USP26: variants seen among roughly 807,000 people sequenced by gnomAD.
The protein encoded by USP26 is ubiquitin carboxyl-terminal hydrolase 26.
For missense variants in USP26, 649 were observed against 642.3 expected, an observed-to-expected ratio of 1.01 and a Z score of -0.11; for synonymous variants, 236 against 240.6, an observed-to-expected ratio of 0.98 and a Z score of 0.18.
At chrX:133,085,226 C>A (rs1156535913) in intron 4 of USP26, among the ~76,000 whole-genome samples, 1 of 112,242 alleles carries the variant, frequency 8.9e-6, no homozygotes, top group Admixed American at 9.4e-5. Flanking sequence ...TGAGCCACTG[C>A]GCCTGGCCCA....
At position 133,090,744 on chromosome X, in the gene USP26, T is replaced by C. The variant is rs1320044814; in HGVS notation, c.-282A>G. On this transcript the variant is annotated 5_prime_UTR_variant, in exon 3 of 6. In the 5' UTR this introduces an upstream ATG that the reference lacks. Transcript: ENST00000511190. ...AATCAACCCTTGTGGTTGGCTGCTA[T>C]ATAGAACAGAGACTATGACCTGGAC... 2 of 112,239 alleles carry C rather than the reference T, an allele frequency of 1.8e-5. No homozygotes were observed. The allele number at this position is 112,239 out of a possible 1,213,427, so 9.2% of individuals were successfully genotyped here. A position where few individuals can be genotyped will look rare whatever the true frequency, so the allele number is the denominator to read the frequency against.
intron 5 of USP26, among the ~76,000 whole-genome samples, chrX:133,039,688 C>T (rs1007869673): frequency 1.8e-5 from 2 of 111,670 alleles, no homozygotes; most frequent in Admixed American, 9.5e-5. Flanking sequence ...GTGGAGAGTT[C>T]TGTAGATATC....
intron 4 of USP26, among the ~76,000 whole-genome samples, chrX:133,088,598 GA>G (rs1385708770): frequency 1.8e-5 from 2 of 111,655 alleles, no homozygotes; most frequent in East Asian, 2.8e-4. Context: ...GACCTCTTAG[GA>G]ATCAAGAAGC....
rs147161875 is a variant in USP26, at chrX:133,059,490, T to A, written c.-77+24217A>T. Among the ~76,000 whole-genome samples the A allele has an allele frequency of 1.0e-3, 116 of 111,286 alleles. 1 individual carries two copies. The highest frequency in any genetic ancestry group is 3.6e-3 in the African/African-American group (109 of 30,670). ...ACGTATTTGCACTTTGGCTGGCACA[T>A]ATTAAGCACTCAACAAATGCTAATT... is the stretch of plus-strand genomic sequence containing the variant. On this transcript the variant is annotated intron_variant, in intron 5 of 5. Coordinates refer to ENST00000511190, the MANE Select transcript of USP26 (RefSeq NM_031907.3).
intron 5 of USP26, among the ~76,000 whole-genome samples, chrX:133,059,033 C>T (rs774600937): frequency 7.5e-4 from 83 of 110,418 alleles, no homozygotes; most frequent in Non-Finnish European, 1.3e-3. Context: ...AGGCTGGTCT[C>T]GAACTCCTGA....
chrX:133,055,277 T>C (rs1346714715), intron 5 of USP26, among the ~76,000 whole-genome samples: 1 of 111,433 alleles, frequency 9.0e-6, no homozygotes, highest in African/African-American at 3.3e-5. Context: ...ATCCCAGCTA[T>C]CACAAGGTTG....
intron 5 of USP26, among the ~76,000 whole-genome samples, chrX:133,076,823 C>A (rs1293220582): frequency 8.9e-6 from 1 of 111,840 alleles, no homozygotes; most frequent in African/African-American, 3.3e-5. Flanking sequence ...ACAGCTCTGG[C>A]AAACAACTGG....
intron 5 of USP26, among the ~76,000 whole-genome samples, chrX:133,073,191 CT>C (rs2067535818): frequency 9.1e-6 from 1 of 110,259 alleles, no homozygotes; most frequent in African/African-American, 3.3e-5. Context: ...TTGTACTTCA[CT>C]CTCATTACTC....
intron 5 of USP26, among the ~76,000 whole-genome samples, chrX:133,044,233 G>A (rs973400588): frequency 8.8e-6 from 1 of 113,215 alleles, no homozygotes; most frequent in African/African-American, 3.2e-5. Context: ...CGCAGCCCTC[G>A]CTCACTCTTG....
At chrX:133,051,757 T>A (rs2148530560) in intron 5 of USP26, among the ~76,000 whole-genome samples, 1 of 112,273 alleles carries the variant, frequency 8.9e-6, no homozygotes, top group African/African-American at 3.2e-5. Context: ...AGCCTGTAGT[T>A]GGGGTTACAT....
chrX:133,027,068 C>T lies in USP26; in HGVS notation c.1153G>A (p.Glu385Lys). ...TGATCTAAACAGTGAGCTAAAAACT[C>T]ATGAGCATCGTTCTGTGCATTGCCA... ...FHGNAQNDAH[E>K]FLAHCLDQLK... The change falls in exon 6 of 6, where the codon GAG becomes AAG. Residue 385 changes from glutamate to lysine, a missense_variant. Physicochemically the swap from Glu to Lys is moderately conservative, Grantham distance 56. Transcript: ENST00000511190. 6 of 1,211,626 alleles carry T rather than the reference C, an allele frequency of 5.0e-6. No homozygotes were observed. The highest frequency in any genetic ancestry group is 6.7e-6 in the Non-Finnish European group (6 of 895,369).
At chrX:133,080,754 T>C (rs1463342653) in intron 5 of USP26, among the ~76,000 whole-genome samples, 1 of 111,472 alleles carries the variant, frequency 9.0e-6, no homozygotes, top group Non-Finnish European at 1.9e-5. Flanking sequence ...TACTCTCTCA[T>C]ATACTCAAAA....
Position 133,023,583 on chromosome X carries a change from T to C in USP26, c.*1896A>G, listed in dbSNP as rs2067333352. ...CCTTATCCTTCAGCTGCTGAAGTACTACAGAAGTTGAACAATCACTCATTG... is the reference window on the plus strand; with the variant it reads ...CCTTATCCTTCAGCTGCTGAAGTACCACAGAAGTTGAACAATCACTCATTG... On this transcript the variant is annotated 3_prime_UTR_variant, in exon 6 of 6. Transcript: ENST00000511190. Among the ~76,000 whole-genome samples, 1 of 111,913 alleles carries C rather than the reference T, an allele frequency of 8.9e-6. No homozygotes were observed. The highest frequency in any genetic ancestry group is 3.7e-4 in the South Asian group (1 of 2,687).
chrX:133,032,094 C>A (rs1040903099), intron 5 of USP26, among the ~76,000 whole-genome samples: 2 of 110,969 alleles, frequency 1.8e-5, no homozygotes, highest in African/African-American at 6.6e-5. Flanking sequence ...GGTTGCAGTG[C>A]GCCGAGTTCA....
chrX:133,066,428 C>A (rs1254008775), intron 5 of USP26, among the ~76,000 whole-genome samples: 3 of 111,572 alleles, frequency 2.7e-5, no homozygotes, highest in Admixed American at 1.9e-4. Context: ...GAATCCTAAG[C>A]AAAAAGAACA....
At chrX:133,079,157 A>G (rs191358061) in intron 5 of USP26, among the ~76,000 whole-genome samples, 1 of 111,498 alleles carries the variant, frequency 9.0e-6, no homozygotes, top group East Asian at 2.8e-4. Context: ...ACACTCCAAA[A>G]CCTCATAAAT....
chrX:133,061,365 A>T (rs2067493679), intron 5 of USP26, among the ~76,000 whole-genome samples: 1 of 112,318 alleles, frequency 8.9e-6, no homozygotes, highest in African/African-American at 3.2e-5. Flanking sequence ...TGAGGGTCTT[A>T]TTTCTCTCAA....
At chrX:133,064,981 C>T (rs1261994630) in intron 5 of USP26, among the ~76,000 whole-genome samples, 1 of 110,891 alleles carries the variant, frequency 9.0e-6, no homozygotes, top group Non-Finnish European at 1.9e-5. Flanking sequence ...GAACACTAGC[C>T]AGACTAATAA....
rs757332020 is a variant in USP26, at chrX:133,026,814, G to C, written c.1407C>G (p.Pro469=). 1.7e-6 allele frequency: 2 copies of C among 1,211,209 alleles called. No homozygotes were observed. The highest frequency in any genetic ancestry group is 2.2e-6 in the Non-Finnish European group (2 of 895,308). Residue 469 remains proline, a synonymous_variant, in exon 6 of 6, where the codon CCC becomes CCG. Coordinates refer to ENST00000511190, the MANE Select transcript of USP26 (RefSeq NM_031907.3). ...ATGAAGGATGTGCTTTTATTCTTTG[G>C]GGAAGGTTGATGGAGAGGTAATTAT... ...ELNNYLSINL[P]QRIKAHPSSI...
Sources: allele counts gnomAD v4.1 joint callset (sites outside exome capture counted in the v4.1 genomes callset), GRCh38; gene constraint gnomAD v4.1.1; transcripts MANE v1.5; gene names NCBI Gene and HGNC (gene_info 2026-07-23, HGNC 2026-07-21).